IGF1R: variants seen among roughly 807,000 people sequenced by gnomAD.
The protein encoded by IGF1R is insulin like growth factor 1 receptor.
A neutral mutation model predicts 144.6 loss-of-function variants in IGF1R; 44 were observed. That is an observed-to-expected ratio of 0.30 (90% CI 0.24 to 0.39). The LOEUF (loss-of-function observed/expected upper bound fraction) is 0.39. Among genes scored for constraint, IGF1R ranks in the 10% least tolerant of loss-of-function variants. IGF1R has a pLI of 1.00. For synonymous variants in IGF1R, 795 were observed against 722.8 expected (o/e 1.10, Z -1.60); for missense variants, 1,355 against 1,833.7 (o/e 0.74, Z 4.77).
chr15:98,951,605 C>T (rs1275278067), intron 20 of IGF1R, among the ~76,000 whole-genome samples: 1 of 152,256 alleles, frequency 6.6e-6, no homozygotes, highest in African/African-American at 2.4e-5. Context: ...TGCAGCCCAG[C>T]TGTCCGCCGG....
intron 20 of IGF1R, 56 bp from the exon 21 acceptor site, chr15:98,957,005 T>G (rs2017016292): frequency 1.9e-6 from 3 of 1,605,844 alleles, no homozygotes; most frequent in Admixed American, 1.7e-5. Flanking sequence ...CCATGAAGCC[T>G]CCTGGCCATG....
In IGF1R at chr15:98,916,376, C is replaced by G; in HGVS notation, c.1996+245C>G. On this transcript the variant is annotated intron_variant, in intron 9 of 20. Coordinates refer to ENST00000650285, the MANE Select transcript of IGF1R (RefSeq NM_000875.5). The stretch of plus-strand genomic sequence containing the variant: ...TCCCAGGTTCAAGCATTTCTCATTC[C>G]CCAGCATTCCGAGTAGCTGGGATTA... 5.4e-6 allele frequency: 3 copies of G among 559,150 alleles called. No homozygotes were observed. The East Asian group carries it at 9.6e-5, about 18-fold the overall frequency. 34.6% of individuals were successfully genotyped at this position (559,150 alleles called of 1,614,324 possible).
At chr15:98,685,478 C>G (rs555528887) in intron 1 of IGF1R, among the ~76,000 whole-genome samples, 101 of 152,240 alleles carry the variant, frequency 6.6e-4, no homozygotes, top group African/African-American at 2.3e-3. Flanking sequence ...CACCCGCTTC[C>G]CAGTGGGTTT....
intron 1 of IGF1R, among the ~76,000 whole-genome samples, chr15:98,652,025 T>A (rs13379565): frequency 0.036 from 5,459 of 152,272 alleles, 316 homozygotes; most frequent in African/African-American, 0.12. Flanking sequence ...GGTGGAGAAA[T>A]AAAGACAGGG....
chr15:98,668,876 T>C (rs1220983719), intron 1 of IGF1R, among the ~76,000 whole-genome samples: 1 of 152,244 alleles, frequency 6.6e-6, no homozygotes, highest in East Asian at 1.9e-4. Context: ...ACAGACTTAC[T>C]GCTGCAGCCC....
intron 1 of IGF1R, among the ~76,000 whole-genome samples, chr15:98,693,633 T>A (rs2053531531): frequency 6.6e-6 from 1 of 152,120 alleles, no homozygotes; most frequent in Admixed American, 6.5e-5. Context: ...TGAGACGGAG[T>A]TTTGCTTTGT....
intron 2 of IGF1R, among the ~76,000 whole-genome samples, chr15:98,753,380 CTTTTTTTT>C (rs1173073572): frequency 0.019 from 1,122 of 60,312 alleles, 11 homozygotes; most frequent in Middle Eastern, 0.086. Context: ...CCATACCTGG[CTTTTTTTT>C]TTTTTTTTTT....
chr15:98,748,655 G>A (rs968476189), intron 2 of IGF1R, among the ~76,000 whole-genome samples: 3 of 152,144 alleles, frequency 2.0e-5, no homozygotes, highest in African/African-American at 7.2e-5. Context: ...AAAACAAATC[G>A]CTTCTATGAC....
At chr15:98,671,561 C>G (rs1411003246) in intron 1 of IGF1R, among the ~76,000 whole-genome samples, 1 of 152,214 alleles carries the variant, frequency 6.6e-6, no homozygotes, top group Non-Finnish European at 1.5e-5. Flanking sequence ...TGGCCCTTCT[C>G]TTTTCTCTCA....
At chr15:98,939,106 A>G (rs2016268099) in intron 17 of IGF1R, 95 bp from the exon 18 acceptor site, 2 of 1,022,126 alleles carry the variant, frequency 2.0e-6, no homozygotes, top group South Asian at 1.3e-5. Flanking sequence ...CACGGTGCCC[A>G]GATTGAACAA....
chr15:98,819,070 G>C (rs2056755280), intron 2 of IGF1R, among the ~76,000 whole-genome samples: 1 of 152,042 alleles, frequency 6.6e-6, no homozygotes, highest in Non-Finnish European at 1.5e-5. Context: ...AAGGCAGATG[G>C]GGCAGGAGCT....
At chr15:98,766,435 C>G (rs2055439198) in intron 2 of IGF1R, among the ~76,000 whole-genome samples, 1 of 152,090 alleles carries the variant, frequency 6.6e-6, no homozygotes, top group Admixed American at 6.5e-5. Flanking sequence ...CTGAAAATTC[C>G]AATTTTATGA....
chr15:98,712,327 T>G (rs1017915693), intron 2 of IGF1R, among the ~76,000 whole-genome samples: 1 of 152,228 alleles, frequency 6.6e-6, no homozygotes, highest in Non-Finnish European at 1.5e-5. Flanking sequence ...CACTACAGCC[T>G]CTGATGGTCT....
Position 98,911,455 on chromosome 15 carries a change from T to C in IGF1R, c.1589+14T>C. On this transcript the variant is annotated intron_variant, in intron 7 of 20. Transcript: ENST00000650285. ...CTACAAGGAAGCGTGAGTTTCTGCT[T>C]TGGGTGATGCCATTCTGTTGACAGG... 1 of 1,614,108 alleles carries C rather than the reference T, an allele frequency of 6.2e-7. No individual in the cohort carries two copies. Among genetic ancestry groups the C allele is most frequent in the East Asian group, 2.2e-5 (1 of 44,880 alleles).
intron 1 of IGF1R, among the ~76,000 whole-genome samples, chr15:98,701,661 A>G (rs927177834): frequency 2.0e-5 from 3 of 152,140 alleles, no homozygotes; most frequent in Non-Finnish European, 2.9e-5. Context: ...ATTTTTAAAG[A>G]AGAGTTGATC....
chr15:98,706,614 T>G (rs552502063), intron 1 of IGF1R, among the ~76,000 whole-genome samples: 2 of 151,586 alleles, frequency 1.3e-5, no homozygotes, highest in South Asian at 4.2e-4. Flanking sequence ...ACCCTCATGG[T>G]GTGTATTAAT....
chr15:98,832,372 G>A (rs901870509), intron 2 of IGF1R, among the ~76,000 whole-genome samples: 1 of 152,120 alleles, frequency 6.6e-6, no homozygotes, highest in African/African-American at 2.4e-5. Context: ...TATTCCAGGA[G>A]CTCATTATGT....
intron 2 of IGF1R, among the ~76,000 whole-genome samples, chr15:98,882,260 C>T (rs1341970512): frequency 6.6e-6 from 1 of 152,214 alleles, no homozygotes; most frequent in Non-Finnish European, 1.5e-5. Flanking sequence ...CACTCACTTC[C>T]CCTGCGTGTC....
At chr15:98,732,160 T>A (rs1031203869) in intron 2 of IGF1R, among the ~76,000 whole-genome samples, 4 of 152,136 alleles carry the variant, frequency 2.6e-5, no homozygotes, top group African/African-American at 9.6e-5. Context: ...GTGGTGCATA[T>A]CTTATTAGAG....
Sources: allele counts gnomAD v4.1 joint callset (sites outside exome capture counted in the v4.1 genomes callset), GRCh38; gene constraint gnomAD v4.1.1; transcripts MANE v1.5; gene names NCBI Gene and HGNC (gene_info 2026-07-23, HGNC 2026-07-21).